WWOX: variants seen among roughly 807,000 people sequenced by gnomAD.
WWOX encodes the protein WW domain containing oxidoreductase, also known as WW domain-containing oxidoreductase.
Under a neutral mutation model 46.2 loss-of-function variants are expected in WWOX, and 69 were observed. The observed-to-expected ratio is 1.49, with a 90% CI of 1.23 to 1.82. WWOX has a LOEUF of 1.82. Among genes scored for constraint, WWOX ranks in the 40% most tolerant of loss-of-function variants. The pLI, the probability that WWOX is intolerant of heterozygous loss-of-function variation, is 0.00. For synonymous variants in WWOX, 359 were observed against 202.6 expected (o/e 1.77, Z -6.56); for missense variants, 919 against 542.6 (o/e 1.69, Z -6.89).
chr16:78,572,215 C>A (rs924385102), intron 8 of WWOX, among the ~76,000 whole-genome samples: 10 of 152,122 alleles, frequency 6.6e-5, no homozygotes, highest in African/African-American at 2.2e-4. Context: ...GTGGCACATT[C>A]CTGCATAGGA....
At chr16:78,120,045 C>T (rs1344088985) in intron 4 of WWOX, among the ~76,000 whole-genome samples, 1 of 152,022 alleles carries the variant, frequency 6.6e-6, no homozygotes, top group Non-Finnish European at 1.5e-5. Flanking sequence ...TTTTTTCCTG[C>T]AAACAAATAC....
intron 8 of WWOX, among the ~76,000 whole-genome samples, chr16:78,585,696 T>G (rs540303853): frequency 0.013 from 2,005 of 150,236 alleles, 31 homozygotes; most frequent in Middle Eastern, 0.045. Context: ...TGTTTTTTTT[T>G]GTTTTTTTTG....
intron 8 of WWOX, among the ~76,000 whole-genome samples, chr16:78,901,437 G>C (rs8048020): frequency 0.19 from 28,831 of 152,042 alleles, 6,115 homozygotes; most frequent in African/African-American, 0.52. Context: ...AACCACTTCT[G>C]TTTCATTTTC....
chr16:78,141,849 C>G (rs2034000058), intron 4 of WWOX, among the ~76,000 whole-genome samples: 1 of 151,904 alleles, frequency 6.6e-6, no homozygotes, highest in African/African-American at 2.4e-5. Context: ...TCCTAAATAA[C>G]TGGCAGGTAA....
At chr16:79,028,098 C>T (rs111823946) in intron 8 of WWOX, among the ~76,000 whole-genome samples, 3,041 of 151,810 alleles carry the variant, frequency 0.02, 186 homozygotes, top group African/African-American at 0.069. Context: ...CTACAGGCAC[C>T]TGCCACGACG....
Position 78,716,994 on chromosome 16 carries a change from G to A in WWOX, c.1056+284242G>A, listed in dbSNP as rs142152212. Among the ~76,000 whole-genome samples the A allele has an allele frequency of 2.0e-4, 31 of 152,246 alleles. No individual in the cohort carries two copies. The East Asian group carries it at 6.0e-3, about 29-fold the overall frequency. Reference sequence around the variant, plus strand: ...TTGATGTTCTCAGTCGTAAAATTAGGCTAATAACACCTCCCATGGTTGTCT... The same window carrying A: ...TTGATGTTCTCAGTCGTAAAATTAGACTAATAACACCTCCCATGGTTGTCT... On this transcript the variant is annotated intron_variant, in intron 8 of 8. Coordinates refer to ENST00000566780, the MANE Select transcript of WWOX (RefSeq NM_016373.4).
rs186255617 is a variant in WWOX, at chr16:78,586,242, A to C, written c.1056+153490A>C. Among the ~76,000 whole-genome samples the C allele has an allele frequency of 2.6e-5, 4 of 152,282 alleles. No individual in the cohort carries two copies. In the East Asian group the frequency reaches 5.8e-4, roughly 22 times the overall value. ...AAATTCAGAATTGGAAGTTGCATTG[A>C]GCCAAGATCATGCCACTGCATTTCA... On this transcript the variant is annotated intron_variant, in intron 8 of 8. Transcript: ENST00000566780.
At chr16:79,005,736 A>G (rs923785699) in intron 8 of WWOX, among the ~76,000 whole-genome samples, 2 of 152,188 alleles carry the variant, frequency 1.3e-5, no homozygotes, top group African/African-American at 4.8e-5. Flanking sequence ...CATCTTACCT[A>G]AGTCCATCTG....
At chr16:79,128,778 G>C (rs1351042823) in intron 8 of WWOX, among the ~76,000 whole-genome samples, 2 of 152,202 alleles carry the variant, frequency 1.3e-5, no homozygotes, top group Admixed American at 6.5e-5. Context: ...AGGGATAACA[G>C]AGCCGGGGGC....
chr16:78,575,194 G>T (rs2667520), intron 8 of WWOX, among the ~76,000 whole-genome samples: 26 of 140,002 alleles, frequency 1.9e-4, no homozygotes, highest in Admixed American at 1.6e-3. Context: ...CTTCAGCTGG[G>T]ATGAGAAACC....
At chr16:79,035,138 C>G (rs2151401714) in intron 8 of WWOX, among the ~76,000 whole-genome samples, 1 of 152,296 alleles carries the variant, frequency 6.6e-6, no homozygotes, top group South Asian at 2.1e-4. Flanking sequence ...TCTGTGATCT[C>G]ATCATTTGAC....
chr16:78,933,830 G>C (rs937812342), intron 8 of WWOX, among the ~76,000 whole-genome samples: 3 of 152,122 alleles, frequency 2.0e-5, no homozygotes, highest in Non-Finnish European at 2.9e-5. Context: ...ACGACATTTG[G>C]GAATTGTGGG....
At chr16:78,215,975 G>C (rs1024561147) in intron 5 of WWOX, among the ~76,000 whole-genome samples, 4 of 151,856 alleles carry the variant, frequency 2.6e-5, no homozygotes, top group African/African-American at 4.8e-5. Context: ...TATTGGGACT[G>C]TTCTTATTCC....
At chr16:79,150,945 G>C (rs1597422322) in intron 8 of WWOX, among the ~76,000 whole-genome samples, 1 of 152,162 alleles carries the variant, frequency 6.6e-6, no homozygotes, top group Admixed American at 6.5e-5. Flanking sequence ...GACTTTTTCA[G>C]CCTAGTTTAT....
intron 8 of WWOX, among the ~76,000 whole-genome samples, chr16:78,737,310 T>C (rs1435359352): frequency 1.8e-5 from 2 of 109,992 alleles, no homozygotes; most frequent in African/African-American, 8.6e-5. Flanking sequence ...AATATATATA[T>C]TTTTTAGTAC....
intron 8 of WWOX, among the ~76,000 whole-genome samples, chr16:78,874,654 C>G (rs2044197715): frequency 6.8e-6 from 1 of 146,032 alleles, no homozygotes; most frequent in African/African-American, 2.5e-5. Flanking sequence ...GAAACACCTT[C>G]AACTGTGTCT....
Position 79,041,402 on chromosome 16 carries a change from C to T in WWOX, c.1057-170206C>T, listed in dbSNP as rs565659301. On this transcript the variant is annotated intron_variant, in intron 8 of 8. Coordinates refer to ENST00000566780, the MANE Select transcript of WWOX (RefSeq NM_016373.4). ...TCCCTGATATAAGGATTCCACCCAC[C>T]ACGCCCCTTGCGGTTCCTTGCCGGT... 1.2e-4 allele frequency among the ~76,000 whole-genome samples: 19 copies of T among 152,276 alleles called. No homozygotes were observed. In the Middle Eastern group the frequency reaches 0.01, roughly 82 times the overall value.
intron 8 of WWOX, among the ~76,000 whole-genome samples, chr16:78,540,292 T>G (rs1164614205): frequency 6.6e-6 from 1 of 152,050 alleles, no homozygotes; most frequent in Non-Finnish European, 1.5e-5. Context: ...AGGTTAATTG[T>G]GCAGGGTTAT....
chr16:78,388,845 T>C (rs762504965), intron 6 of WWOX, among the ~76,000 whole-genome samples: 2 of 151,638 alleles, frequency 1.3e-5, no homozygotes, highest in Non-Finnish European at 2.9e-5. Flanking sequence ...GGCACATGCC[T>C]GTAATCCCAG....
Sources: gnomAD v4.1 joint callset for allele counts (sites outside exome capture counted in the v4.1 genomes callset) on GRCh38, gnomAD v4.1.1 for gene constraint, MANE v1.5 for transcripts, NCBI Gene and HGNC (gene_info 2026-07-23, HGNC 2026-07-21) for gene names.